KCNQ5: variants seen among roughly 807,000 people sequenced by gnomAD.
KCNQ5 encodes the protein potassium voltage-gated channel subfamily Q member 5, also known as potassium voltage-gated channel subfamily KQT member 5.
KCNQ5 carries 30 observed loss-of-function variants against 98.2 expected under a neutral mutation model. The observed-to-expected ratio is 0.31, with a 90% confidence interval of 0.23 to 0.41. KCNQ5 has a LOEUF of 0.41. Among genes scored for constraint, KCNQ5 ranks in the 10% least tolerant of loss-of-function variants. KCNQ5 has a pLI of 1.00. For missense variants in KCNQ5, 835 were observed against 1,182.5 expected (o/e 0.71, Z 4.31); for synonymous variants, 458 against 449.4 (o/e 1.02, Z -0.24).
chr6:72,864,474 G>T (rs971115155), intron 1 of KCNQ5, among the ~76,000 whole-genome samples: 2 of 152,104 alleles, frequency 1.3e-5, no homozygotes, highest in African/African-American at 4.8e-5. Context: ...CCTTAGTTAA[G>T]CCACTTGTTT....
chr6:73,051,705 CAAAAAAAAAAAAAAAAAAAA>C (rs201199934), intron 3 of KCNQ5, among the ~76,000 whole-genome samples: 27 of 97,178 alleles, frequency 2.8e-4, no homozygotes, highest in East Asian at 1.4e-3. Context: ...AAGATAGAGG[CAAAAAAAAAAAAAAAAAAAA>C]AAAAAAAAAA....
chr6:72,952,992 T>A (rs1394011630), intron 1 of KCNQ5, among the ~76,000 whole-genome samples: 16 of 152,218 alleles, frequency 1.1e-4, no homozygotes. Context: ...AGTAATGTGC[T>A]CTTGAATGCA....
intron 1 of KCNQ5, among the ~76,000 whole-genome samples, chr6:72,636,274 C>A (rs2098924072): frequency 6.6e-6 from 1 of 152,042 alleles, no homozygotes; most frequent in South Asian, 2.1e-4. Flanking sequence ...CTGTTATAAT[C>A]ATTAGGAGTT....
At chr6:72,667,638 A>G (rs565145513) in intron 1 of KCNQ5, among the ~76,000 whole-genome samples, 22 of 152,334 alleles carry the variant, frequency 1.4e-4, no homozygotes, top group African/African-American at 5.1e-4. Context: ...AGCAGGTACC[A>G]GTTGATGATT....
At chr6:73,180,085 C>A (rs1778352475) in intron 11 of KCNQ5, among the ~76,000 whole-genome samples, 1 of 152,224 alleles carries the variant, frequency 6.6e-6, no homozygotes, top group South Asian at 2.1e-4. Context: ...TGGAGCTTAT[C>A]TAGAGAGCTC....
chr6:73,102,606 T>C (rs1774832467), intron 5 of KCNQ5, among the ~76,000 whole-genome samples: 1 of 152,122 alleles, frequency 6.6e-6, no homozygotes, highest in South Asian at 2.1e-4. Flanking sequence ...TCTCAAAAGA[T>C]GACATTACAA....
chr6:72,718,015 A>G (rs1236462719), intron 1 of KCNQ5, among the ~76,000 whole-genome samples: 2 of 152,186 alleles, frequency 1.3e-5, no homozygotes, highest in Non-Finnish European at 2.9e-5. Flanking sequence ...CATTACCTGC[A>G]TATGTCTAAG....
chr6:73,067,881 T>C (rs368149936), intron 3 of KCNQ5, among the ~76,000 whole-genome samples: 1 of 638 alleles, frequency 1.6e-3, no homozygotes, highest in East Asian at 0.083. Flanking sequence ...TATATATATA[T>C]ATATATATAT....
At chr6:73,101,908 T>G (rs1049936866) in intron 5 of KCNQ5, among the ~76,000 whole-genome samples, 2 of 152,066 alleles carry the variant, frequency 1.3e-5, no homozygotes, top group African/African-American at 4.8e-5. Flanking sequence ...GTGCTAAAAT[T>G]TATATGGAAC....
chr6:72,679,919 T>A (rs865988741), intron 1 of KCNQ5, among the ~76,000 whole-genome samples: 2 of 152,004 alleles, frequency 1.3e-5, no homozygotes, highest in African/African-American at 4.8e-5. Context: ...ATGCCTGCAA[T>A]CCCAGCTACT....
chr6:73,034,970 T>C (rs373927354), intron 2 of KCNQ5, among the ~76,000 whole-genome samples: 183 of 151,606 alleles, frequency 1.2e-3, no homozygotes, highest in African/African-American at 4.2e-3. Flanking sequence ...CTCAGCCTCC[T>C]GAGTAGCTGG....
intron 11 of KCNQ5, among the ~76,000 whole-genome samples, chr6:73,173,943 A>G (rs1003300646): frequency 4.6e-5 from 7 of 152,214 alleles, no homozygotes; most frequent in African/African-American, 1.7e-4. Context: ...AGATATGCAC[A>G]CCAATGCAAC....
intron 1 of KCNQ5, among the ~76,000 whole-genome samples, chr6:72,759,572 C>T (rs1010792500): frequency 6.6e-6 from 1 of 152,032 alleles, no homozygotes; most frequent in Non-Finnish European, 1.5e-5. Context: ...AGGACTGTTT[C>T]CTTGTGAGTA....
At chr6:72,961,621 C>CAA (rs56813781) in intron 1 of KCNQ5, among the ~76,000 whole-genome samples, 3,830 of 68,370 alleles carry the variant, frequency 0.056, 393 homozygotes, top group African/African-American at 0.22. Flanking sequence ...GACTCCGTCT[C>CAA]AAAAAAAAAA....
In KCNQ5 at chr6:72,774,170, G is replaced by A. The variant is rs569769582; in HGVS notation, c.398+151583G>A. ...TTAAAAACAAAATCTTCTAAAATAGGGGTTGGCAAACTTTTCTTGAAGTGC... is the reference window on the plus strand; with the variant it reads ...TTAAAAACAAAATCTTCTAAAATAGAGGTTGGCAAACTTTTCTTGAAGTGC... On this transcript the variant is annotated intron_variant, in intron 1 of 13. Coordinates refer to ENST00000370398, the MANE Select transcript of KCNQ5 (RefSeq NM_019842.4). Among the ~76,000 whole-genome samples, 13 of 152,154 alleles carry A rather than the reference G, an allele frequency of 8.5e-5. No individual in the cohort carries two copies. The South Asian group carries it at 2.7e-3, about 32-fold the overall frequency.
chr6:72,878,740 T>G (rs1778520922), intron 1 of KCNQ5, among the ~76,000 whole-genome samples: 1 of 152,196 alleles, frequency 6.6e-6, no homozygotes, highest in African/African-American at 2.4e-5. Context: ...AAATTAGATT[T>G]TATTAAGGCT....
At chr6:72,774,519 A>C (rs891152283) in intron 1 of KCNQ5, among the ~76,000 whole-genome samples, 1 of 152,134 alleles carries the variant, frequency 6.6e-6, no homozygotes, top group African/African-American at 2.4e-5. Context: ...ATCAAAAGAC[A>C]CTGTTAAGAT....
chr6:73,016,086 A>G (rs1202453798), intron 2 of KCNQ5, among the ~76,000 whole-genome samples: 1 of 152,158 alleles, frequency 6.6e-6, no homozygotes, highest in East Asian at 1.9e-4. Context: ...ACCTAGAATA[A>G]ACAAACAGGA....
chr6:73,014,017 T>C (rs1382075463), intron 2 of KCNQ5, among the ~76,000 whole-genome samples: 1 of 152,116 alleles, frequency 6.6e-6, no homozygotes, highest in East Asian at 1.9e-4. Flanking sequence ...TAAAAGTTCA[T>C]CTTCTAGCCC....
Sources: allele counts gnomAD v4.1 joint callset (sites outside exome capture counted in the v4.1 genomes callset), GRCh38; gene constraint gnomAD v4.1.1; transcripts MANE v1.5; gene names NCBI Gene and HGNC (gene_info 2026-07-23, HGNC 2026-07-21).